Variants in NSD1 observed in about 807,000 individuals in gnomAD.
NSD1 encodes the protein nuclear receptor binding SET domain protein 1.
In NSD1, 26 loss-of-function variants were observed where a neutral mutation model predicts 242.7. The observed-to-expected ratio is 0.11, with a 90% CI of 0.08 to 0.15. The LOEUF is 0.15. Ranked by LOEUF, NSD1 falls within the 10% of genes least tolerant of loss-of-function variation. The pLI, the probability that NSD1 is intolerant of heterozygous loss-of-function variation, is 1.00. For synonymous variants in NSD1, 1,106 were observed against 1,178.1 expected, an observed-to-expected ratio of 0.94 and a Z score of 1.25; for missense variants, 2,495 against 3,272.8, an observed-to-expected ratio of 0.76 and a Z score of 5.80.
chr5:177,146,769 T>A (rs963288474), intron 2 of NSD1, among the ~76,000 whole-genome samples: 1 of 151,796 alleles, frequency 6.6e-6, no homozygotes, highest in Non-Finnish European at 1.5e-5. Context: ...TTTGGGAGGC[T>A]GAGGCGGCTG....
chr5:177,262,389 G>A (rs1258098358), intron 14 of NSD1, among the ~76,000 whole-genome samples: 2 of 151,978 alleles, frequency 1.3e-5, no homozygotes, highest in Non-Finnish European at 2.9e-5. Context: ...GATTGCTTGA[G>A]CCCAGGAATT....
rs1162702470 is a variant in NSD1, at chr5:177,295,832, CAG to C, written c.*376_*377del. 9.3e-6 allele frequency: 4 copies of C among 430,860 alleles called. No individual in the cohort carries two copies. Among genetic ancestry groups the C allele is most frequent in the Non-Finnish European group, 1.7e-5 (4 of 231,358 alleles). 26.7% of individuals were successfully genotyped at this position (430,860 alleles called of 1,614,324 possible). A position where few individuals can be genotyped will look rare whatever the true frequency, so the allele number is the denominator to read the frequency against. ...TCTCAAAGCGATTTCCCCAACCAGA[CAG>C]AGCCCCATTGAGGGCACCTAGGAAC... On this transcript the variant is annotated 3_prime_UTR_variant, in exon 23 of 23. Transcript: ENST00000439151. This position sits in a 1 kb window ranked among gnomAD's most constrained non-coding sequence, Gnocchi z 4.3.
At chr5:177,163,019 C>T (rs534354490) in intron 2 of NSD1, among the ~76,000 whole-genome samples, 10 of 152,048 alleles carry the variant, frequency 6.6e-5, no homozygotes, top group Non-Finnish European at 1.2e-4. Context: ...CCCTGTGTTG[C>T]CCAGGTTGGT....
At chr5:177,263,734 T>A (rs1176279774) in intron 14 of NSD1, among the ~76,000 whole-genome samples, 1 of 152,240 alleles carries the variant, frequency 6.6e-6, no homozygotes, top group Non-Finnish European at 1.5e-5. Context: ...CGTTTTTAAT[T>A]GTAAGAGTTA....
chr5:177,281,074 A>G (rs562746882), intron 18 of NSD1, among the ~76,000 whole-genome samples: 5 of 152,320 alleles, frequency 3.3e-5, no homozygotes, highest in Non-Finnish European at 5.9e-5. Context: ...TGGGACATTC[A>G]TAGAGATGCT....
intron 2 of NSD1, among the ~76,000 whole-genome samples, chr5:177,188,583 C>T (rs956539703): frequency 6.6e-5 from 10 of 152,102 alleles, no homozygotes; most frequent in African/African-American, 2.4e-4. Flanking sequence ...ATCATTATTG[C>T]TTCAGCCTAG....
At chr5:177,158,293 C>CTTTATTTCTTTTCT (rs59738936) in intron 2 of NSD1, among the ~76,000 whole-genome samples, 5 of 77,674 alleles carry the variant, frequency 6.4e-5, no homozygotes, top group African/African-American at 2.3e-4. Flanking sequence ...TTCTTTCTTT[C>CTTTATTTCTTTTCT]TTTCTTTCTT....
intron 2 of NSD1, among the ~76,000 whole-genome samples, chr5:177,159,007 T>TATATATATATATATATATATGAATG (rs1758480992): frequency 1.1e-5 from 1 of 93,036 alleles, no homozygotes; most frequent in African/African-American, 5.1e-5. Flanking sequence ...TTTATATATA[T>TATATATATATATATATATATGAATG]ATATATATAT....
rs1232406723 is a variant in NSD1 at position 177,135,171 on chromosome 5, A to G, written c.68A>G (p.Asp23Gly). The G allele has an allele frequency of 6.2e-7, 1 of 1,614,154 alleles. No homozygotes were observed. Among genetic ancestry groups the G allele is most frequent in the Non-Finnish European group, 8.5e-7 (1 of 1,180,016 alleles). The change falls in exon 2 of 23, where the codon GAT (aspartate) becomes GGT (glycine). Residue 23 changes from aspartate (D) to glycine (G), a missense_variant. Physicochemically the swap from Asp to Gly is moderately conservative, Grantham distance 94 (BLOSUM62 -1). Transcript: ENST00000439151. ...LLPFSNPVNL[D>G]APEDKDSPFG... ...CCCTTTTCCAATCCAGTGAATTTAG[A>G]TGCCCCTGAAGACAAGGACAGCCCT...
intron 14 of NSD1, among the ~76,000 whole-genome samples, chr5:177,261,236 A>ATT (rs10652091): frequency 0.021 from 1,527 of 72,846 alleles, no homozygotes; most frequent in Non-Finnish European, 0.029. Context: ...TGCCCCACTA[A>ATT]TTTTTTTTTT....
chr5:177,145,281 A>ATTTTTT, intron 2 of NSD1, among the ~76,000 whole-genome samples: 1 of 138,486 alleles, frequency 7.2e-6, no homozygotes, highest in South Asian at 2.3e-4. Context: ...ATGTAACAAG[A>ATTTTTT]TTTTTTTTTT....
chr5:177,237,260 A>G (rs771012228), intron 6 of NSD1, among the ~76,000 whole-genome samples: 3 of 152,140 alleles, frequency 2.0e-5, no homozygotes, highest in African/African-American at 4.8e-5. Context: ...TTATTAACTG[A>G]TAGTCTCTTT....
At chr5:177,293,801 C>G (rs1185504442) in intron 22 of NSD1, 31 bp from the exon 23 acceptor site, 1 of 1,612,532 alleles carries the variant, frequency 6.2e-7, no homozygotes, top group Non-Finnish European at 8.5e-7. Flanking sequence ...CTCTTTTTTC[C>G]TAAACTTTTG....
chr5:177,178,473 G>A (rs1022259146), intron 2 of NSD1, among the ~76,000 whole-genome samples: 1 of 152,134 alleles, frequency 6.6e-6, no homozygotes, highest in African/African-American at 2.4e-5. Context: ...TGATCCACCT[G>A]CCTCGGCCTG....
At position 177,238,596 on chromosome 5, in the gene NSD1, G is replaced by A. The variant is rs935666198; in HGVS notation, c.4192+89G>A. 1.3e-4 allele frequency: 183 copies of A among 1,450,828 alleles called. No homozygotes were observed. The highest frequency in any genetic ancestry group is 1.6e-4 in the Non-Finnish European group (170 of 1,045,568). The allele number at this position is 1,450,828 out of a possible 1,614,324, so 89.9% of individuals were successfully genotyped here. A position where few individuals can be genotyped will look rare whatever the true frequency, so the allele number is the denominator to read the frequency against. On this transcript the variant is annotated intron_variant, in intron 7 of 22. Coordinates refer to ENST00000439151, the MANE Select transcript of NSD1 (RefSeq NM_022455.5). This position sits in a 1 kb window ranked among gnomAD's most constrained non-coding sequence, Gnocchi z 4.6. ...TATGTTTTGATGTAAAGCCAACATT[G>A]TATCTATATACAATAAACTACCCCC...
intron 14 of NSD1, chr5:177,265,928 A>AC: frequency 7.2e-7 from 1 of 1,384,408 alleles, no homozygotes; most frequent in Non-Finnish European, 1.0e-6. Flanking sequence ...GTAGATGTCT[A>AC]CCTCCTTTAT....
At chr5:177,148,718 G>A (rs2336406) in intron 2 of NSD1, among the ~76,000 whole-genome samples, 20,640 of 151,956 alleles carry the variant, frequency 0.14, 1,933 homozygotes, top group East Asian at 0.51. Context: ...GAGCCACCAC[G>A]CCTGGCCCAA....
rs1765591695 is a variant in NSD1, at chr5:177,238,051, A to G, written c.3922-186A>G. 6.6e-6 allele frequency among the ~76,000 whole-genome samples: 1 copy of G among 152,116 alleles called. No individual in the cohort carries two copies. Among genetic ancestry groups the G allele is most frequent in the Non-Finnish European group, 1.5e-5 (1 of 68,010 alleles). On this transcript the variant is annotated intron_variant, in intron 6 of 22. Coordinates refer to ENST00000439151, the MANE Select transcript of NSD1 (RefSeq NM_022455.5). The surrounding 1 kb of genome is among the most constrained non-coding windows in gnomAD (Gnocchi z 4.6). ...TTATTCTAGATACCTCATATACTTG[A>G]AATCATACGATATTTGTTCTTTGTG...
At chr5:177,281,274 T>G (rs1258209675) in intron 18 of NSD1, among the ~76,000 whole-genome samples, 1 of 152,024 alleles carries the variant, frequency 6.6e-6, no homozygotes, top group Admixed American at 6.6e-5. Flanking sequence ...CAGTCATGTC[T>G]TCAACTTAAA....
Sources: allele counts gnomAD v4.1 joint callset (sites outside exome capture counted in the v4.1 genomes callset), GRCh38; gene constraint gnomAD v4.1.1; non-coding constraint Gnocchi (gnomAD v3.1); transcripts MANE v1.5; gene names NCBI Gene and HGNC (gene_info 2026-07-23, HGNC 2026-07-21).